TRERF1: variants seen among roughly 807,000 people sequenced by gnomAD.
TRERF1 encodes transcriptional regulating factor 1, also known as transcriptional-regulating factor 1.
In TRERF1, 27 loss-of-function variants were observed where a neutral mutation model predicts 122.9. That is an observed-to-expected ratio of 0.22 (90% CI 0.16 to 0.30). The LOEUF is 0.30. Among genes scored for constraint, TRERF1 ranks in the 10% least tolerant of loss-of-function variants. The probability of loss-of-function intolerance (pLI) is 1.00; values close to 1 mark genes in which losing one functional copy is unlikely to be tolerated. For missense variants in TRERF1, 1,248 were observed against 1,560.3 expected, an observed-to-expected ratio of 0.80 and a Z score of 3.37; for synonymous variants, 636 against 641.7, an observed-to-expected ratio of 0.99 and a Z score of 0.13.
chr6:42,435,683 T>G (rs902241816), intron 2 of TRERF1, among the ~76,000 whole-genome samples: 2 of 151,982 alleles, frequency 1.3e-5, no homozygotes, highest in African/African-American at 4.8e-5. Flanking sequence ...ACTAGTTAAA[T>G]AAGTTATGGA....
intron 3 of TRERF1, among the ~76,000 whole-genome samples, chr6:42,307,403 A>C (rs778973313): frequency 2.6e-5 from 4 of 152,174 alleles, no homozygotes; most frequent in Non-Finnish European, 5.9e-5. Context: ...ATTTGGAGTA[A>C]AATCCTTTAA....
Position 42,268,126 on chromosome 6 carries a change from T to C in TRERF1, c.1437+28A>G. On this transcript the variant is annotated intron_variant, in intron 5 of 17. Transcript: ENST00000372922. This position sits in a 1 kb window ranked among gnomAD's most constrained non-coding sequence, Gnocchi z 4.4. Reference sequence around the variant, plus strand: ...CCCTGACCCTGTAGCACACTGGGTATTGAGAGAAACTTCCAATGGGAGAAT... The same window carrying C: ...CCCTGACCCTGTAGCACACTGGGTACTGAGAGAAACTTCCAATGGGAGAAT... 7.0e-7 allele frequency: 1 copy of C among 1,435,650 alleles called. No individual in the cohort carries two copies. Among genetic ancestry groups the C allele is most frequent in the Non-Finnish European group, 9.2e-7 (1 of 1,092,506 alleles). 88.9% of individuals were successfully genotyped at this position (1,435,650 alleles called of 1,614,324 possible).
At chr6:42,260,259 A>G (rs939128241) in intron 8 of TRERF1, among the ~76,000 whole-genome samples, 1 of 151,552 alleles carries the variant, frequency 6.6e-6, no homozygotes, top group African/African-American at 2.4e-5. Context: ...GCAGGGGGGG[A>G]GAGCCTTCGA....
At chr6:42,266,908 A>G (rs1452898537) in intron 5 of TRERF1, among the ~76,000 whole-genome samples, 4 of 152,194 alleles carry the variant, frequency 2.6e-5, no homozygotes, top group Non-Finnish European at 4.4e-5. Flanking sequence ...AGTCACCACC[A>G]CTGCCTAATG....
intron 15 of TRERF1, 71 bp from the exon 16 acceptor site, chr6:42,236,482 C>A: frequency 2.0e-6 from 3 of 1,515,052 alleles, no homozygotes; most frequent in Non-Finnish European, 2.6e-6. Flanking sequence ...ACAGAACTCA[C>A]AGATCAACAG....
chr6:42,282,522 T>C (rs1012743427), intron 4 of TRERF1, among the ~76,000 whole-genome samples: 2 of 152,176 alleles, frequency 1.3e-5, no homozygotes, highest in African/African-American at 4.8e-5. Context: ...CATTCCAGCC[T>C]GGGTGACAGA....
intron 3 of TRERF1, among the ~76,000 whole-genome samples, chr6:42,350,279 C>G (rs192650698): frequency 2.8e-4 from 42 of 152,326 alleles, no homozygotes; most frequent in Non-Finnish European, 4.9e-4. Flanking sequence ...CCAGAGTGAA[C>G]ATGTGATTTG....
At chr6:42,288,982 T>TGC (rs1783801425) in intron 4 of TRERF1, among the ~76,000 whole-genome samples, 1 of 151,428 alleles carries the variant, frequency 6.6e-6, no homozygotes, top group Non-Finnish European at 1.5e-5. Context: ...TGTGTGTGTG[T>TGC]GTGTGTGTGT....
chr6:42,268,825 T>A lies in TRERF1; in HGVS notation c.766A>T (p.Met256Leu), dbSNP rs373594743. The change falls in exon 5 of 18, where the codon ATG becomes TTG. Residue 256 changes from methionine to leucine, a missense_variant. This residue lies in a region of TRERF1 where 946 missense variants were observed against 1,073.0 expected (regional missense o/e 0.88). Transcript: ENST00000372922. The surrounding 1 kb of genome is among the most constrained non-coding windows in gnomAD (Gnocchi z 4.4). ...ATCTGTTGCATGTGCTGTGACAGCA[T>A]CTGTGGGGCCTGCAGTGGCTGTCCT... 6.2e-7 allele frequency: 1 copy of A among 1,614,158 alleles called. No homozygotes were observed. Among genetic ancestry groups the A allele is most frequent in the Non-Finnish European group, 8.5e-7 (1 of 1,180,018 alleles).
chr6:42,382,821 C>A (rs1474979613), intron 2 of TRERF1, among the ~76,000 whole-genome samples: 2 of 152,034 alleles, frequency 1.3e-5, no homozygotes, highest in Admixed American at 6.6e-5. Context: ...TTAGTAGCAT[C>A]CCTGGCCTCC....
At chr6:42,355,107 T>C (rs1388462881) in intron 3 of TRERF1, among the ~76,000 whole-genome samples, 4 of 152,228 alleles carry the variant, frequency 2.6e-5, no homozygotes, top group Admixed American at 2.0e-4. Context: ...CAAGTTACTA[T>C]TTTATGACTC....
intron 2 of TRERF1, among the ~76,000 whole-genome samples, chr6:42,374,137 TAAAAA>T (rs373255205): frequency 7.8e-6 from 1 of 127,398 alleles, no homozygotes; most frequent in South Asian, 2.4e-4. Flanking sequence ...GTCTTTTTTT[TAAAAA>T]AAAAAAAAAA....
At chr6:42,294,834 G>A (rs1582873471) in intron 4 of TRERF1, among the ~76,000 whole-genome samples, 1 of 152,304 alleles carries the variant, frequency 6.6e-6, no homozygotes, top group East Asian at 1.9e-4. Flanking sequence ...CCCAACCTGA[G>A]GTGTCATCTG....
At chr6:42,344,749 G>A (rs1217481581) in intron 3 of TRERF1, among the ~76,000 whole-genome samples, 1 of 152,168 alleles carries the variant, frequency 6.6e-6, no homozygotes, top group Non-Finnish European at 1.5e-5. Flanking sequence ...CTTGCTCAAA[G>A]GCTGCCACTT....
chr6:42,299,039 G>A (rs1785581047), intron 4 of TRERF1, among the ~76,000 whole-genome samples: 1 of 151,970 alleles, frequency 6.6e-6, no homozygotes. Context: ...CCAGGAGTTT[G>A]AAGCTAGCCT....
chr6:42,310,736 G>A (rs754762091), intron 3 of TRERF1, among the ~76,000 whole-genome samples: 1 of 152,156 alleles, frequency 6.6e-6, no homozygotes, highest in Admixed American at 6.5e-5. Flanking sequence ...AGGCCAAAGA[G>A]TACCCACCCC....
At chr6:42,271,814 A>G (rs1780271041) in intron 4 of TRERF1, among the ~76,000 whole-genome samples, 1 of 152,238 alleles carries the variant, frequency 6.6e-6, no homozygotes, top group African/African-American at 2.4e-5. Context: ...AACTTTATAT[A>G]AAATTGTTAC....
intron 14 of TRERF1, among the ~76,000 whole-genome samples, chr6:42,244,342 G>A (rs867386447): frequency 2.6e-5 from 4 of 151,668 alleles, no homozygotes; most frequent in African/African-American, 4.9e-5. Flanking sequence ...GCACCACCAC[G>A]CCCAGTTAAT....
chr6:42,312,694 C>T (rs1444550975), intron 3 of TRERF1, among the ~76,000 whole-genome samples: 1 of 152,180 alleles, frequency 6.6e-6, no homozygotes, highest in Non-Finnish European at 1.5e-5. Flanking sequence ...TACTCACATC[C>T]AGGTAATTTG....
Sources: allele counts gnomAD v4.1 joint callset (sites outside exome capture counted in the v4.1 genomes callset), GRCh38; gene constraint gnomAD v4.1.1; regional missense constraint gnomAD v4.1.1; non-coding constraint Gnocchi (gnomAD v3.1); transcripts MANE v1.5; gene names NCBI Gene and HGNC (gene_info 2026-07-23, HGNC 2026-07-21).